PLXDC1: variants seen among roughly 807,000 people sequenced by gnomAD.
PLXDC1 encodes the protein plexin domain containing 1.
Under a neutral mutation model 61.3 loss-of-function variants are expected in PLXDC1, and 39 were observed. That is an observed-to-expected ratio of 0.64 (90% CI 0.49 to 0.83). The LOEUF (loss-of-function observed/expected upper bound fraction) is 0.83. PLXDC1 is among the 40% of genes least tolerant of loss of function. PLXDC1 has a pLI of 0.00. For synonymous variants in PLXDC1, 212 were observed against 254.5 expected (o/e 0.83, Z 1.59); for missense variants, 596 against 666.5 (o/e 0.89, Z 1.17).
Position 39,065,737 on chromosome 17 carries a change from T to A in PLXDC1, c.*2103A>T, listed in dbSNP as rs1347454634. 2.6e-5 allele frequency: 4 copies of A among 152,290 alleles called. No homozygotes were observed. The highest frequency in any genetic ancestry group is 9.6e-5 in the African/African-American group (4 of 41,452). 9.4% of individuals were successfully genotyped at this position (152,290 alleles called of 1,614,324 possible). The stretch of plus-strand genomic sequence containing the variant: ...GTTTAGAGCAGGTTAACTTGGTAGC[T>A]ATGGAGTATGACCAGATGGAGACAT... On this transcript the variant is annotated 3_prime_UTR_variant, in exon 14 of 14. Transcript: ENST00000315392.
At chr17:39,078,146 C>T in intron 10 of PLXDC1, 98 bp from the exon 11 acceptor site, 3 of 1,190,798 alleles carry the variant, frequency 2.5e-6, no homozygotes, top group Admixed American at 2.7e-5. Flanking sequence ...CTGTCAGCTG[C>T]TTCAAATCCT....
Position 39,128,089 on chromosome 17 carries a change from C to CTGTGTATATATATATA in PLXDC1, c.255+11564_255+11565insTATATATATATACACA, listed in dbSNP as rs1911375209. On this transcript the variant is annotated intron_variant, in intron 2 of 13. Coordinates refer to ENST00000315392, the MANE Select transcript of PLXDC1 (RefSeq NM_020405.5). ...TCTGTCTCTCTCTCTCTCTCTCTCTCTCTATGTGTATATATATATATATAT... is the reference window on the plus strand; with the variant it reads ...TCTGTCTCTCTCTCTCTCTCTCTCTCTGTGTATATATATATATCTATGTGTATATATATATATATAT... 3.3e-4 allele frequency among the ~76,000 whole-genome samples: 23 copies of CTGTGTATATATATATA among 68,802 alleles called. 2 individuals carry two copies. The highest frequency in any genetic ancestry group is 5.6e-4 in the Non-Finnish European group (20 of 35,414). The allele number at this position is 68,802 out of a possible 152,430, so 45.1% of individuals were successfully genotyped here. A position where few individuals can be genotyped will look rare whatever the true frequency, so the allele number is the denominator to read the frequency against.
At chr17:39,146,546 T>C (rs2045343451) in intron 1 of PLXDC1, among the ~76,000 whole-genome samples, 1 of 152,074 alleles carries the variant, frequency 6.6e-6, no homozygotes, top group Admixed American at 6.5e-5. Flanking sequence ...ACATGGTGGC[T>C]CATGCCTGTA....
chr17:39,083,683 T>A, intron 8 of PLXDC1, 143 bp from the exon 9 acceptor site: 1 of 685,378 alleles, frequency 1.5e-6, no homozygotes, highest in Non-Finnish European at 2.7e-6. Flanking sequence ...CCACCTCCCT[T>A]GGTCCAGTCT....
chr17:39,148,210 C>T lies in PLXDC1; in HGVS notation c.76+3152G>A, dbSNP rs1301936837. On this transcript the variant is annotated intron_variant, in intron 1 of 13. Transcript: ENST00000315392. Reference sequence around the variant, plus strand: ...AGAGACAATCTGGTCCAACCTCCTTCCCTCCTTTTTTTAAAAAAAGATGGG... The same window carrying T: ...AGAGACAATCTGGTCCAACCTCCTTTCCTCCTTTTTTTAAAAAAAGATGGG... Among the ~76,000 whole-genome samples the T allele has an allele frequency of 2.6e-5, 4 of 152,048 alleles. No homozygotes were observed. In the South Asian group the frequency reaches 8.3e-4, roughly 32 times the overall value.
intron 9 of PLXDC1, 77 bp downstream of exon 9, chr17:39,083,382 G>A: frequency 9.0e-7 from 1 of 1,110,994 alleles, no homozygotes. Flanking sequence ...GGGCAGTGAG[G>A]CCAGGACGGG....
intron 11 of PLXDC1, 72 bp downstream of exon 11, chr17:39,077,841 G>A: frequency 2.0e-6 from 3 of 1,511,606 alleles, no homozygotes; most frequent in Non-Finnish European, 2.7e-6. Flanking sequence ...GGGACAGAGA[G>A]GGGGCCCCAG....
chr17:39,143,547 G>C (rs560770548), intron 1 of PLXDC1, among the ~76,000 whole-genome samples: 2 of 152,266 alleles, frequency 1.3e-5, no homozygotes, highest in Non-Finnish European at 2.9e-5. Context: ...CAGTGCATAG[G>C]GTAGCTCCTG....
chr17:39,100,619 C>G (rs556283362), intron 7 of PLXDC1, among the ~76,000 whole-genome samples: 9 of 152,368 alleles, frequency 5.9e-5, no homozygotes, highest in Admixed American at 5.9e-4. Context: ...CTGAATTGTG[C>G]TTTGCTTCCT....
intron 8 of PLXDC1, among the ~76,000 whole-genome samples, chr17:39,085,191 G>A (rs932720706): frequency 2.0e-5 from 3 of 152,276 alleles, no homozygotes; most frequent in African/African-American, 4.8e-5. Context: ...CCAGCCCTGG[G>A]TGAGTGGGAG....
In PLXDC1 at chr17:39,113,849, CA is replaced by C. The variant is rs11448352; in HGVS notation, c.256-4459del. Among the ~76,000 whole-genome samples the C allele has an allele frequency of 1.6e-3, 229 of 143,720 alleles. 1 individual carries two copies. Among genetic ancestry groups the C allele is most frequent in the East Asian group, 4.8e-3 (23 of 4,814 alleles). 94.3% of individuals were successfully genotyped at this position (143,720 alleles called of 152,430 possible). A position where few individuals can be genotyped will look rare whatever the true frequency, so the allele number is the denominator to read the frequency against. ...TGAGTGACACAGTGAGACTCTGTCTCAAAAAAAAAAAAAGATTGATTCTGTA... is the reference window on the plus strand; with the variant it reads ...TGAGTGACACAGTGAGACTCTGTCTCAAAAAAAAAAAAGATTGATTCTGTA... On this transcript the variant is annotated intron_variant, in intron 2 of 13. Coordinates refer to ENST00000315392, the MANE Select transcript of PLXDC1 (RefSeq NM_020405.5).
chr17:39,093,971 C>G (rs1051710947), intron 7 of PLXDC1, among the ~76,000 whole-genome samples: 2 of 152,218 alleles, frequency 1.3e-5, no homozygotes, highest in African/African-American at 4.8e-5. Flanking sequence ...CCAAGACACA[C>G]ACACACCTGC....
In PLXDC1 at chr17:39,150,819, T is replaced by C. The variant is rs936528181; in HGVS notation, c.76+543A>G. 4.6e-5 allele frequency among the ~76,000 whole-genome samples: 7 copies of C among 152,222 alleles called. No individual in the cohort carries two copies. The East Asian group carries it at 1.3e-3, about 29-fold the overall frequency. On this transcript the variant is annotated intron_variant, in intron 1 of 13. Coordinates refer to ENST00000315392, the MANE Select transcript of PLXDC1 (RefSeq NM_020405.5). ...CTTCTTCCTGGGCCCACTGCCTCTCTACTGACACCAAATAGGCAAGGGAAG... is the reference window on the plus strand; with the variant it reads ...CTTCTTCCTGGGCCCACTGCCTCTCCACTGACACCAAATAGGCAAGGGAAG...
intron 9 of PLXDC1, chr17:39,079,476 GC>G (rs1909470851): frequency 2.0e-6 from 1 of 491,266 alleles, no homozygotes. Flanking sequence ...CCGTGACACT[GC>G]TGAGAATCCA....
intron 2 of PLXDC1, among the ~76,000 whole-genome samples, chr17:39,133,203 G>A (rs1911620646): frequency 6.6e-6 from 1 of 152,166 alleles, no homozygotes; most frequent in Admixed American, 6.5e-5. Context: ...TAGTGGGAAA[G>A]GGCGTTTGCG....
At chr17:39,146,780 C>T (rs1422122891) in intron 1 of PLXDC1, among the ~76,000 whole-genome samples, 1 of 150,978 alleles carries the variant, frequency 6.6e-6, no homozygotes, top group Non-Finnish European at 1.5e-5. Context: ...CACTTGAGCC[C>T]AGGAAGTTGA....
chr17:39,092,765 GA>G (rs1318462106), intron 7 of PLXDC1, among the ~76,000 whole-genome samples: 7 of 152,364 alleles, frequency 4.6e-5, no homozygotes, highest in African/African-American at 1.7e-4. Flanking sequence ...TGTGGCTCCA[GA>G]AAGTCACCAA....
intron 2 of PLXDC1, among the ~76,000 whole-genome samples, chr17:39,138,060 G>A (rs1911813601): frequency 6.6e-6 from 1 of 152,110 alleles, no homozygotes; most frequent in South Asian, 2.1e-4. Flanking sequence ...AGCCTCCCAA[G>A]TAGCTGGGAC....
At chr17:39,093,406 A>T (rs980720936) in intron 7 of PLXDC1, among the ~76,000 whole-genome samples, 1 of 152,178 alleles carries the variant, frequency 6.6e-6, no homozygotes, top group Non-Finnish European at 1.5e-5. Flanking sequence ...CCAGTTGTTT[A>T]TTTAAAAATA....
Sources: allele counts gnomAD v4.1 joint callset (sites outside exome capture counted in the v4.1 genomes callset), GRCh38; gene constraint gnomAD v4.1.1; transcripts MANE v1.5; gene names NCBI Gene and HGNC (gene_info 2026-07-23, HGNC 2026-07-21).